GNG7: variants seen among roughly 807,000 people sequenced by gnomAD.
GNG7 encodes the protein guanine nucleotide-binding protein G(I)/G(S)/G(O) subunit gamma-7.
A neutral mutation model predicts 4.0 loss-of-function variants in GNG7; 1 was observed. The observed-to-expected ratio is 0.25, with a 90% CI of 0.09 to 1.18. The LOEUF (loss-of-function observed/expected upper bound fraction) is 1.18. Ranked by LOEUF, GNG7 falls within the 50% of genes most tolerant of loss-of-function variation. The pLI is 0.50. For synonymous variants in GNG7, 34 were observed against 36.9 expected (o/e 0.92, Z 0.29); for missense variants, 86 against 91.9 (o/e 0.94, Z 0.26).
At chr19:2,590,713 TCATC>T (rs1231833220) in intron 2 of GNG7, among the ~76,000 whole-genome samples, 29 of 68,414 alleles carry the variant, frequency 4.2e-4, no homozygotes, top group Non-Finnish European at 5.1e-4. Flanking sequence ...ATCCACCCAT[TCATC>T]CATCCATCCA....
At chr19:2,646,457 G>T (rs1203707681) in intron 1 of GNG7, among the ~76,000 whole-genome samples, 177 bp from the exon 2 acceptor site, 1 of 152,176 alleles carries the variant, frequency 6.6e-6, no homozygotes, top group Non-Finnish European at 1.5e-5. Context: ...GGAGGCCAAG[G>T]CAGGTGGATC....
intron 2 of GNG7, among the ~76,000 whole-genome samples, chr19:2,640,487 C>T (rs964657416): frequency 2.0e-5 from 3 of 152,080 alleles, no homozygotes; most frequent in South Asian, 2.1e-4. Flanking sequence ...AGAATAGAAC[C>T]CTCCTTGTGT....
At chr19:2,664,889 G>C (rs536624640) in intron 1 of GNG7, among the ~76,000 whole-genome samples, 1 of 152,254 alleles carries the variant, frequency 6.6e-6, no homozygotes, top group Non-Finnish European at 1.5e-5. Context: ...CTCAAGTTGT[G>C]ACAACGACAA....
chr19:2,673,263 A>C (rs192190505), intron 1 of GNG7, among the ~76,000 whole-genome samples: 7,374 of 145,786 alleles, frequency 0.051, 325 homozygotes, highest in Non-Finnish European at 0.063. Flanking sequence ...ATCTCAAAAA[A>C]AAAACAAAAC....
intron 1 of GNG7, among the ~76,000 whole-genome samples, chr19:2,648,257 A>G (rs1982720328): frequency 6.6e-6 from 1 of 151,036 alleles, no homozygotes; most frequent in African/African-American, 2.4e-5. Flanking sequence ...TTAGCTGGGC[A>G]TGGTGGTGCA....
At chr19:2,663,516 C>T (rs1464295226) in intron 1 of GNG7, among the ~76,000 whole-genome samples, 1 of 152,144 alleles carries the variant, frequency 6.6e-6, no homozygotes, top group Non-Finnish European at 1.5e-5. Context: ...ATAAATTATC[C>T]AGTCTATGGC....
At chr19:2,606,230 T>G (rs1981379815) in intron 2 of GNG7, among the ~76,000 whole-genome samples, 1 of 151,754 alleles carries the variant, frequency 6.6e-6, no homozygotes, top group African/African-American at 2.4e-5. Context: ...AATACAAAAA[T>G]TAGCTGGGCG....
At position 2,522,219 on chromosome 19, in the gene GNG7, G is replaced by A. The variant is rs149878516; in HGVS notation, c.-37-1494C>T. 4.8e-3 allele frequency among the ~76,000 whole-genome samples: 736 copies of A among 152,254 alleles called. 5 individuals carry two copies. The highest frequency in any genetic ancestry group is 0.017 in the African/African-American group (695 of 41,548). On this transcript the variant is annotated intron_variant, in intron 3 of 4. Transcript: ENST00000382159. ...TCCAGGGAACGATCCAGCCCCACGT[G>A]TCAGTAGTGTCCAGCCTAGAGAAAC...
chr19:2,519,152 T>C (rs1165539733), intron 4 of GNG7, among the ~76,000 whole-genome samples: 3 of 137,926 alleles, frequency 2.2e-5, no homozygotes, highest in Non-Finnish European at 4.7e-5. Context: ...GTTTCTTTTT[T>C]TTTTTTTTTT....
rs180881832 is a variant in GNG7 at position 2,561,459 on chromosome 19, C to T, written c.-77-6271G>A. 2.0e-3 allele frequency among the ~76,000 whole-genome samples: 305 copies of T among 152,180 alleles called. 1 individual carries two copies. Among genetic ancestry groups the T allele is most frequent in the African/African-American group, 7.0e-3 (290 of 41,526 alleles). ...GTCAGCACCACTGCCCTTCTGTGCC[C>T]AGGAGGGGCCCTGTCCTCCCCTTGT... On this transcript the variant is annotated intron_variant, in intron 2 of 4. Transcript: ENST00000382159.
intron 1 of GNG7, among the ~76,000 whole-genome samples, chr19:2,672,415 CAA>C (rs1983478064): frequency 6.6e-6 from 1 of 151,822 alleles, no homozygotes; most frequent in Non-Finnish European, 1.5e-5. Flanking sequence ...TTCAGCCTCC[CAA>C]AGTGTTGGAA....
At chr19:2,640,477 A>G (rs1019239458) in intron 2 of GNG7, among the ~76,000 whole-genome samples, 2 of 152,158 alleles carry the variant, frequency 1.3e-5, no homozygotes, top group African/African-American at 4.8e-5. Context: ...GAGGAATGAG[A>G]GAATAGAACC....
intron 2 of GNG7, among the ~76,000 whole-genome samples, chr19:2,579,356 A>T (rs1329389773): frequency 6.6e-6 from 1 of 152,202 alleles, no homozygotes; most frequent in African/African-American, 2.4e-5. Flanking sequence ...GCGGGCGGGC[A>T]GGAGGGCAGG....
intron 2 of GNG7, among the ~76,000 whole-genome samples, chr19:2,585,866 A>G (rs1413076164): frequency 6.6e-6 from 1 of 151,716 alleles, no homozygotes; most frequent in African/African-American, 2.4e-5. Flanking sequence ...ACGCCCGGCT[A>G]TTTTTTTGTA....
At chr19:2,667,759 A>G (rs1208968425) in intron 1 of GNG7, among the ~76,000 whole-genome samples, 2 of 152,166 alleles carry the variant, frequency 1.3e-5, no homozygotes, top group Non-Finnish European at 2.9e-5. Context: ...TACTAAAAAT[A>G]CAAAAATAGG....
chr19:2,621,452 C>G (rs1429746336), intron 2 of GNG7, among the ~76,000 whole-genome samples: 1 of 151,888 alleles, frequency 6.6e-6, no homozygotes, highest in Non-Finnish European at 1.5e-5. Context: ...AATCCCAGCA[C>G]TTTGGGAGGC....
intron 2 of GNG7, among the ~76,000 whole-genome samples, chr19:2,620,541 T>C (rs931645993): frequency 2.0e-5 from 3 of 152,168 alleles, no homozygotes; most frequent in Non-Finnish European, 4.4e-5. Flanking sequence ...ATGAGTCCAA[T>C]GTTTTCAAGC....
intron 4 of GNG7, 124 bp downstream of exon 4, chr19:2,520,484 A>C (rs562489533): frequency 1.6e-6 from 1 of 611,688 alleles, no homozygotes; most frequent in East Asian, 2.9e-5. Flanking sequence ...GAGGGCCTCA[A>C]GGTCACACAG....
At chr19:2,550,618 G>A (rs1419215207) in intron 3 of GNG7, among the ~76,000 whole-genome samples, 1 of 152,190 alleles carries the variant, frequency 6.6e-6, no homozygotes, top group African/African-American at 2.4e-5. Flanking sequence ...AGGGGCTTGT[G>A]CAGATGAGCA....
Sources: allele counts gnomAD v4.1 joint callset (sites outside exome capture counted in the v4.1 genomes callset), GRCh38; gene constraint gnomAD v4.1.1; transcripts MANE v1.5; gene names NCBI Gene and HGNC (gene_info 2026-07-23, HGNC 2026-07-21).